Variants in PEX5L observed in about 807,000 individuals in gnomAD.
PEX5L encodes the protein peroxisomal biogenesis factor 5 like, also known as PEX5-related protein.
Under a neutral mutation model 84.0 loss-of-function variants are expected in PEX5L, and 30 were observed. The ratio of observed to expected loss-of-function variants is 0.36; its 90% CI spans 0.27 to 0.48. The LOEUF (loss-of-function observed/expected upper bound fraction) is 0.48. Ranked by LOEUF, PEX5L falls within the 20% of genes least tolerant of loss-of-function variation. The pLI, the probability that PEX5L is intolerant of heterozygous loss-of-function variation, is 0.99. For synonymous variants in PEX5L, 270 were observed against 283.1 expected (o/e 0.95, Z 0.46); for missense variants, 533 against 754.6 (o/e 0.71, Z 3.44).
intron 3 of PEX5L, among the ~76,000 whole-genome samples, chr3:179,894,527 C>A (rs1560579676): frequency 6.6e-6 from 1 of 152,008 alleles, no homozygotes; most frequent in Non-Finnish European, 1.5e-5. Flanking sequence ...AATCTATTCC[C>A]AGGGAAATGA....
chr3:180,021,590 G>A (rs1790433040), intron 1 of PEX5L, among the ~76,000 whole-genome samples: 1 of 152,192 alleles, frequency 6.6e-6, no homozygotes, highest in Non-Finnish European at 1.5e-5. Context: ...AGGAGCGGAT[G>A]ACTCCCAGGT....
chr3:179,950,747 G>GAA, intron 2 of PEX5L, among the ~76,000 whole-genome samples: 1 of 152,166 alleles, frequency 6.6e-6, no homozygotes, highest in African/African-American at 2.4e-5. Flanking sequence ...CCCCTCACTG[G>GAA]CACTGCACGT....
intron 3 of PEX5L, among the ~76,000 whole-genome samples, chr3:179,890,635 A>C (rs565257223): frequency 6.6e-6 from 1 of 152,242 alleles, no homozygotes; most frequent in South Asian, 2.1e-4. Flanking sequence ...AATCCCCTGT[A>C]CTCTTTCTTT....
Position 179,907,677 on chromosome 3 carries a change from C to T in PEX5L, c.94-9431G>A, listed in dbSNP as rs368718231. Among the ~76,000 whole-genome samples the T allele has an allele frequency of 3.3e-5, 5 of 152,246 alleles. No individual in the cohort carries two copies. The East Asian group carries it at 5.8e-4, about 18-fold the overall frequency. On this transcript the variant is annotated intron_variant, in intron 2 of 14. Coordinates refer to ENST00000467460, the MANE Select transcript of PEX5L (RefSeq NM_016559.3). ...AAATATTGTTACTAAATTATTGAATCTAAGAGCAAACTTATCCAGATGTCA... is the reference window on the plus strand; with the variant it reads ...AAATATTGTTACTAAATTATTGAATTTAAGAGCAAACTTATCCAGATGTCA...
intron 2 of PEX5L, among the ~76,000 whole-genome samples, chr3:179,915,021 C>A (rs1766526423): frequency 6.6e-6 from 1 of 152,090 alleles, no homozygotes; most frequent in African/African-American, 2.4e-5. Flanking sequence ...AAGATGCAGC[C>A]TTTTTGCTTG....
At chr3:179,813,401 A>G (rs564684501) in intron 10 of PEX5L, among the ~76,000 whole-genome samples, 1 of 152,358 alleles carries the variant, frequency 6.6e-6, no homozygotes, top group African/African-American at 2.4e-5. Flanking sequence ...CTTGTAAAAT[A>G]CATAGCATTT....
rs2108391800 is a variant in PEX5L, at chr3:180,036,761, G to GGCAGCCC, written c.-163_-162insGGGCTGC. On this transcript the variant is annotated 5_prime_UTR_variant, in exon 1 of 15. Transcript: ENST00000467460. ...GTACTCGGCCGGCCGGCGGCCACTC[G>GGCAGCCC]GCAGCGCTGCGGGCTGCCGGGAACT... 2.7e-6 allele frequency: 2 copies of GGCAGCCC among 734,930 alleles called. No homozygotes were observed. Among genetic ancestry groups the GGCAGCCC allele is most frequent in the Non-Finnish European group, 4.9e-6 (2 of 408,144 alleles). 45.5% of individuals were successfully genotyped at this position (734,930 alleles called of 1,614,324 possible). A position where few individuals can be genotyped will look rare whatever the true frequency, so the allele number is the denominator to read the frequency against.
chr3:179,887,553 A>G (rs1322328724), intron 4 of PEX5L, 120 bp downstream of exon 4: 3 of 713,080 alleles, frequency 4.2e-6, no homozygotes, highest in East Asian at 2.5e-5. Flanking sequence ...TATACATTCT[A>G]AAGTTTCATT....
intron 2 of PEX5L, among the ~76,000 whole-genome samples, chr3:179,946,616 G>A (rs151124683): frequency 1.3e-5 from 2 of 152,308 alleles, no homozygotes; most frequent in East Asian, 3.9e-4. Flanking sequence ...CACTAACAGG[G>A]TTTCAATGGC....
intron 7 of PEX5L, among the ~76,000 whole-genome samples, chr3:179,862,817 T>C (rs1417802036): frequency 3.9e-5 from 6 of 152,100 alleles, no homozygotes; most frequent in South Asian, 2.1e-4. Context: ...CATGATGTTT[T>C]CCACAGAAAT....
chr3:179,850,549 A>C (rs1263260314), intron 8 of PEX5L, among the ~76,000 whole-genome samples: 1 of 152,220 alleles, frequency 6.6e-6, no homozygotes. Context: ...TTAAAACAGA[A>C]GAAAATCTAA....
chr3:179,961,619 CT>C (rs1030603914), intron 2 of PEX5L, among the ~76,000 whole-genome samples: 1 of 152,126 alleles, frequency 6.6e-6, no homozygotes, highest in African/African-American at 2.4e-5. Flanking sequence ...TAAACTCTCC[CT>C]GTTGTTTAAA....
chr3:179,821,098 G>A (rs1728346755), intron 8 of PEX5L, among the ~76,000 whole-genome samples: 1 of 152,214 alleles, frequency 6.6e-6, no homozygotes, highest in East Asian at 1.9e-4. Flanking sequence ...ATGACAGCCA[G>A]AAGCGGCGGG....
intron 8 of PEX5L, among the ~76,000 whole-genome samples, chr3:179,831,378 A>AT (rs1577364440): frequency 6.6e-6 from 1 of 152,020 alleles, no homozygotes; most frequent in Admixed American, 6.6e-5. Context: ...TATAAGATAG[A>AT]TTTTTTAAAA....
intron 2 of PEX5L, among the ~76,000 whole-genome samples, chr3:179,904,433 A>G (rs1578251270): frequency 6.6e-6 from 1 of 152,130 alleles, no homozygotes; most frequent in South Asian, 2.1e-4. Context: ...ATGGATACCA[A>G]TCTCTACGGT....
At chr3:179,807,457 C>T (rs1191580481) in intron 14 of PEX5L, among the ~76,000 whole-genome samples, 1 of 152,192 alleles carries the variant, frequency 6.6e-6, no homozygotes, top group African/African-American at 2.4e-5. Flanking sequence ...TCCCAAGATG[C>T]GGAGCCAACT....
rs1338247148 is a variant in PEX5L at position 179,800,214 on chromosome 3, C to T, written c.*1614G>A. ...ATTTACTCCTCAGTAGAAGCTTATT[C>T]CCCAGCCAATTAGACTGTTTTGATC... On this transcript the variant is annotated 3_prime_UTR_variant, in exon 15 of 15. Coordinates refer to ENST00000467460, the MANE Select transcript of PEX5L (RefSeq NM_016559.3). 5 of 152,148 alleles carry T rather than the reference C, an allele frequency of 3.3e-5. No individual in the cohort carries two copies. The highest frequency in any genetic ancestry group is 1.2e-4 in the African/African-American group (5 of 41,434). 9.4% of individuals were successfully genotyped at this position (152,148 alleles called of 1,614,324 possible). A position where few individuals can be genotyped will look rare whatever the true frequency, so the allele number is the denominator to read the frequency against.
chr3:179,988,414 A>ATAAG, intron 1 of PEX5L, among the ~76,000 whole-genome samples: 1 of 151,534 alleles, frequency 6.6e-6, no homozygotes, highest in South Asian at 2.1e-4. Flanking sequence ...AAATAAATAA[A>ATAAG]TAAATAAAAT....
intron 1 of PEX5L, among the ~76,000 whole-genome samples, chr3:180,013,173 T>C (rs1789640880): frequency 6.6e-6 from 1 of 152,198 alleles, no homozygotes; most frequent in African/African-American, 2.4e-5. Context: ...AGTACAAAAC[T>C]ATAAACAATT....
Sources: allele counts gnomAD v4.1 joint callset (sites outside exome capture counted in the v4.1 genomes callset), GRCh38; gene constraint gnomAD v4.1.1; transcripts MANE v1.5; gene names NCBI Gene and HGNC (gene_info 2026-07-23, HGNC 2026-07-21).